PTPN3: variants seen among roughly 807,000 people sequenced by gnomAD.
The protein encoded by PTPN3 is tyrosine-protein phosphatase non-receptor type 3.
Under a neutral mutation model 132.7 loss-of-function variants are expected in PTPN3, and 96 were observed. The ratio of observed to expected loss-of-function variants is 0.72; its 90% confidence interval spans 0.61 to 0.86. The LOEUF (loss-of-function observed/expected upper bound fraction) is 0.86, where lower values mean the gene tolerates loss of function less well. Among genes scored for constraint, PTPN3 ranks in the 40% least tolerant of loss-of-function variants. The probability of loss-of-function intolerance (pLI) is 0.00; values close to 1 mark genes in which losing one functional copy is unlikely to be tolerated. For synonymous variants in PTPN3, 398 were observed against 429.0 expected, an observed-to-expected ratio of 0.93 and a Z score of 0.89; for missense variants, 1,125 against 1,159.6, an observed-to-expected ratio of 0.97 and a Z score of 0.43.
At position 109,426,326 on chromosome 9, in the gene PTPN3, A is replaced by G. The variant is rs140740130; in HGVS notation, c.1001+624T>C. Among the ~76,000 whole-genome samples the G allele has an allele frequency of 3.0e-3, 453 of 150,400 alleles. 1 individual carries two copies. Among genetic ancestry groups the G allele is most frequent in the African/African-American group, 0.011 (441 of 41,228 alleles). On this transcript the variant is annotated intron_variant, in intron 12 of 25. Transcript: ENST00000374541. ...TTTATACATAAATATATATAAATTT[A>G]CATCCATTTCTTTTCCTGTACTAGT...
At chr9:109,500,772 A>T (rs1484032308), upstream of PTPN3, among the ~76,000 whole-genome samples, 1 of 151,978 alleles carries the variant, frequency 6.6e-6, no homozygotes, top group Non-Finnish European at 1.5e-5. Flanking sequence ...CTTTACAAAA[A>T]AAAACTTATC....
At chr9:109,510,576 AAT>A in the PTPN3 span, among the ~76,000 whole-genome samples, 107 of 47,318 alleles carry the variant, frequency 2.3e-3, 1 homozygote, top group Admixed American at 2.6e-3. Flanking sequence ...AAAAAAAAAA[AAT>A]ATATATATAT....
chr9:109,451,161 G>A (rs993176948), intron 5 of PTPN3: 68 of 957,536 alleles, frequency 7.1e-5, no homozygotes, highest in Non-Finnish European at 8.0e-5. Flanking sequence ...GGAGGCTGAG[G>A]GAGGATCCTT....
At chr9:109,389,497 C>A in intron 21 of PTPN3, 118 bp from the exon 22 acceptor site, 1 of 1,037,616 alleles carries the variant, frequency 9.6e-7, no homozygotes, top group Non-Finnish European at 1.3e-6. Context: ...ATCTCTTTAT[C>A]AATTCACAGC....
chr9:109,382,303 T>G lies in PTPN3; in HGVS notation c.2527A>C (p.Ser843Arg). The change falls in exon 24 of 26, where the codon AGT (serine) becomes CGT (arginine). Residue 843 changes from serine (S) to arginine (R), a missense_variant and splice_region_variant. Transcript: ENST00000374541. ...CTAACAAAACAGCAAGCGCCATACC[T>G]GCAGTGAACTAGGACGGGCTCGCTG... Reference protein sequence around the residue: ...VDSEPVLVHCSAGIGRTGVLV... With the variant: ...VDSEPVLVHCRAGIGRTGVLV... The G allele has an allele frequency of 6.2e-7, 1 of 1,613,812 alleles. No individual in the cohort carries two copies. Among genetic ancestry groups the G allele is most frequent in the Non-Finnish European group, 8.5e-7 (1 of 1,179,806 alleles).
At chr9:109,510,286 TG>T in the PTPN3 span, among the ~76,000 whole-genome samples, 1 of 151,868 alleles carries the variant, frequency 6.6e-6, no homozygotes, top group African/African-American at 2.4e-5. Context: ...CAGCTGGGCG[TG>T]GTGGCTCACA....
At chr9:109,533,937 G>T in the PTPN3 span, 2 of 752,138 alleles carry the variant, frequency 2.7e-6, no homozygotes, top group South Asian at 3.0e-5. Flanking sequence ...CCTTGAACTG[G>T]AACACCACCA....
At chr9:109,537,174 T>C in the PTPN3 span, among the ~76,000 whole-genome samples, 1 of 152,130 alleles carries the variant, frequency 6.6e-6, no homozygotes, top group Non-Finnish European at 1.5e-5. Context: ...TACACATTAT[T>C]GTGCAAAAAG....
chr9:109,482,095 G>A (rs74928072), intron 1 of PTPN3, among the ~76,000 whole-genome samples: 5,324 of 152,282 alleles, frequency 0.035, 202 homozygotes, highest in East Asian at 0.22. Context: ...ACTAATGCGC[G>A]CAGGGATTAC....
At chr9:109,530,047 C>T in the PTPN3 span, among the ~76,000 whole-genome samples, 1 of 152,130 alleles carries the variant, frequency 6.6e-6, no homozygotes, top group Admixed American at 6.5e-5. Context: ...CCATGTCTAG[C>T]ACATCTTTCC....
chr9:109,445,351 G>T, intron 6 of PTPN3, 59 bp from the exon 7 acceptor site: 3 of 1,418,518 alleles, frequency 2.1e-6, no homozygotes, highest in South Asian at 2.3e-5. Flanking sequence ...CTTAAACATT[G>T]ACAGATCATG....
chr9:109,417,062 C>T (rs1842561598), intron 14 of PTPN3, among the ~76,000 whole-genome samples: 2 of 152,176 alleles, frequency 1.3e-5, no homozygotes, highest in South Asian at 4.2e-4. Flanking sequence ...ATGAAAGAAA[C>T]TTACTTCTCT....
the PTPN3 span, among the ~76,000 whole-genome samples, chr9:109,531,498 C>T: frequency 6.6e-6 from 1 of 152,132 alleles, no homozygotes; most frequent in Non-Finnish European, 1.5e-5. Context: ...TGGTTTACAC[C>T]CACTCGCTGC....
rs1407221455 is a variant in PTPN3, at chr9:109,412,386, T to G, written c.1314-1971A>C. ...TGTCCAACTAATTTTAATTTTTTTTTTTTTTTGAGTCAAAGTCTCGCTCTG... is the reference window on the plus strand; with the variant it reads ...TGTCCAACTAATTTTAATTTTTTTTGTTTTTTGAGTCAAAGTCTCGCTCTG... On this transcript the variant is annotated intron_variant, in intron 14 of 25. Coordinates refer to ENST00000374541, the MANE Select transcript of PTPN3 (RefSeq NM_002829.4). 2.6e-5 allele frequency among the ~76,000 whole-genome samples: 4 copies of G among 151,950 alleles called. No individual in the cohort carries two copies. The East Asian group carries it at 7.7e-4, about 29-fold the overall frequency.
chr9:109,387,571 AG>A (rs1478440288), intron 22 of PTPN3, among the ~76,000 whole-genome samples: 12 of 152,188 alleles, frequency 7.9e-5, no homozygotes. Context: ...AGTCCAGGGT[AG>A]CTCATTCTTA....
At chr9:109,521,677 A>G in the PTPN3 span, among the ~76,000 whole-genome samples, 1 of 152,216 alleles carries the variant, frequency 6.6e-6, no homozygotes. Context: ...CTACCAAAAT[A>G]CTTATCAAAC....
In PTPN3 at chr9:109,420,493, G is replaced by A. The variant is rs536512105; in HGVS notation, c.1244C>T (p.Thr415Met). The change falls in exon 14 of 26, where the codon ACG becomes ATG. Residue 415 changes from threonine to methionine, a missense_variant. Coordinates refer to ENST00000374541, the MANE Select transcript of PTPN3 (RefSeq NM_002829.4). ...TTGAGGGGCCAGAGAGCCCTTGTAC[G>A]TGTAAAATACATCTTCCGTTTCCGT... The part of the protein sequence containing the change: ...YITETEDVFY[T>M]YKGSLAPQDS... 11 of 1,613,680 alleles carry A rather than the reference G, an allele frequency of 6.8e-6. No individual in the cohort carries two copies. The highest frequency in any genetic ancestry group is 2.2e-5 in the South Asian group (2 of 91,050).
chr9:109,474,750 G>A (rs1846562285), intron 1 of PTPN3, among the ~76,000 whole-genome samples: 1 of 152,152 alleles, frequency 6.6e-6, no homozygotes, highest in Non-Finnish European at 1.5e-5. Context: ...AATCCAAGGG[G>A]CTGTCACACA....
chr9:109,455,983 T>C (rs1324841507), intron 4 of PTPN3, among the ~76,000 whole-genome samples: 1 of 151,984 alleles, frequency 6.6e-6, no homozygotes, highest in Non-Finnish European at 1.5e-5. Context: ...ATGAGGCAGG[T>C]ATTTGTCTGC....
Sources: gnomAD v4.1 joint callset for allele counts (sites outside exome capture counted in the v4.1 genomes callset) on GRCh38, gnomAD v4.1.1 for gene constraint, MANE v1.5 for transcripts, NCBI Gene and HGNC (gene_info 2026-07-23, HGNC 2026-07-21) for gene names.